The following COMMD6 variants were observed in gnomAD, a reference collection of about 807,000 sequenced individuals.
COMMD6 encodes COMM domain containing 6, also known as COMM domain-containing protein 6.
COMMD6 carries 11 observed loss-of-function variants against 13.4 expected under a neutral mutation model. That is an observed-to-expected ratio of 0.82 (90% CI 0.52 to 1.36). The LOEUF (loss-of-function observed/expected upper bound fraction) is 1.36. Among genes scored for constraint, COMMD6 ranks in the 40% most tolerant of loss-of-function variants. The pLI is 0.00. For missense variants in COMMD6, 124 were observed against 102.4 expected, an observed-to-expected ratio of 1.21 and a Z score of -0.91; for synonymous variants, 43 against 36.5, an observed-to-expected ratio of 1.18 and a Z score of -0.64.
chr13:75,546,874 T>C (rs1020131351), intron 1 of COMMD6, among the ~76,000 whole-genome samples: 1 of 152,252 alleles, frequency 6.6e-6, no homozygotes, highest in Non-Finnish European at 1.5e-5. Context: ...AACACTGAAT[T>C]AGCAAATACT....
At chr13:75,537,489 C>A (rs2030712207) in intron 2 of COMMD6, 175 bp downstream of exon 2, 3 of 1,553,776 alleles carry the variant, frequency 1.9e-6, no homozygotes, top group African/African-American at 2.7e-5. Flanking sequence ...ATTACAATGG[C>A]AACGGCTACC....
At chr13:75,537,571 TA>T in intron 2 of COMMD6, 92 bp downstream of exon 2, 2 of 1,587,102 alleles carry the variant, frequency 1.3e-6, no homozygotes, top group Non-Finnish European at 1.7e-6. Context: ...GACACAGGAC[TA>T]GGGGAGACCT....
At chr13:75,543,741 G>A (rs1385791906), upstream of COMMD6, among the ~76,000 whole-genome samples, 14 of 152,162 alleles carry the variant, frequency 9.2e-5, no homozygotes, top group Admixed American at 9.2e-4. Context: ...ATGAGATCTT[G>A]TATGTAAAGC....
At chr13:75,544,936 A>AAAAAAC (rs1555271509) in intron 1 of COMMD6, among the ~76,000 whole-genome samples, 40 of 151,270 alleles carry the variant, frequency 2.6e-4, no homozygotes, top group South Asian at 1.9e-3. Context: ...CAAAAAAAAA[A>AAAAAAC]AAAAAACAAA....
At chr13:75,540,064 G>A (rs781464767), upstream of COMMD6, among the ~76,000 whole-genome samples, 3 of 149,090 alleles carry the variant, frequency 2.0e-5, no homozygotes, top group Admixed American at 6.7e-5. Flanking sequence ...TCCAACTCCC[G>A]GGTTCAAGCG....
upstream of COMMD6, among the ~76,000 whole-genome samples, chr13:75,542,343 G>T (rs1306022709): frequency 2.0e-5 from 3 of 146,894 alleles, no homozygotes; most frequent in Non-Finnish European, 4.5e-5. Context: ...AGGCTGGAGT[G>T]CAATGGTGCG....
intron 1 of COMMD6, among the ~76,000 whole-genome samples, chr13:75,543,895 C>A (rs886418055): frequency 5.9e-5 from 9 of 152,154 alleles, no homozygotes; most frequent in African/African-American, 2.2e-4. Context: ...AACTGAAGTT[C>A]AGGAATGGTA....
upstream of COMMD6, chr13:75,537,980 G>A (rs1593960492): frequency 2.3e-5 from 12 of 523,662 alleles, no homozygotes; most frequent in East Asian, 3.9e-4. Flanking sequence ...TATCTTAGGA[G>A]ACATTGAGCT....
At chr13:75,530,421 T>A in intron 2 of COMMD6, 155 bp from the exon 3 acceptor site, 11 of 503,410 alleles carry the variant, frequency 2.2e-5, no homozygotes, top group Middle Eastern at 5.2e-4. Context: ...AGAGGAACAA[T>A]AATCAAATGA....
intron 3 of COMMD6, chr13:75,528,001 GCACACACACACACA>G (rs57959582): frequency 7.6e-5 from 22 of 287,772 alleles, no homozygotes; most frequent in African/African-American, 3.7e-4. Flanking sequence ...CATGCCCTCA[GCACACACACACACA>G]CACACACACA....
chr13:75,527,852 C>G, intron 3 of COMMD6: 1 of 1,503,210 alleles, frequency 6.7e-7, no homozygotes, highest in South Asian at 1.4e-5. Context: ...GGAGCTGAGG[C>G]TGGGGGTCAA....
upstream of COMMD6, chr13:75,537,860 C>T (rs991410134): frequency 1.0e-5 from 16 of 1,528,540 alleles, no homozygotes; most frequent in East Asian, 9.1e-5. Flanking sequence ...CAGACCAGCG[C>T]TTCCGCTTCC....
chr13:75,542,141 T>C (rs886324270), upstream of COMMD6, among the ~76,000 whole-genome samples: 3 of 152,306 alleles, frequency 2.0e-5, no homozygotes, highest in East Asian at 1.9e-4. Flanking sequence ...GCAAAAGTAT[T>C]TTTTGTGTAA....
rs2030256028 is a variant in COMMD6 at position 75,526,387 on chromosome 13, CT to C, written c.*201del. The C allele has an allele frequency of 4.1e-6, 2 of 491,092 alleles. No individual in the cohort carries two copies. Among genetic ancestry groups the C allele is most frequent in the Non-Finnish European group, 7.2e-6 (2 of 276,078 alleles). The allele number at this position is 491,092 out of a possible 1,614,324, so 30.4% of individuals were successfully genotyped here. ...TATCCTCTAAAGTGTCTAATTATCA[CT>C]TTTATAAAGCACATTCACAAAGTTT... On this transcript the variant is annotated 3_prime_UTR_variant, in exon 4 of 4. Coordinates refer to ENST00000682242, the MANE Select transcript of COMMD6 (RefSeq NM_203495.4).
chr13:75,536,246 C>T (rs535264567), intron 2 of COMMD6, among the ~76,000 whole-genome samples: 2 of 152,256 alleles, frequency 1.3e-5, no homozygotes, highest in African/African-American at 4.8e-5. Context: ...AACTAAAGAA[C>T]GTTCAACAAT....
intron 2 of COMMD6, among the ~76,000 whole-genome samples, chr13:75,536,714 G>GTAT (rs1225690018): frequency 7.2e-5 from 11 of 152,138 alleles, no homozygotes; most frequent in African/African-American, 2.4e-4. Flanking sequence ...TTTTAGCACC[G>GTAT]TAAGACTAGT....
rs141352418 is a variant in COMMD6 at position 75,544,249 on chromosome 13, C to A, written n.106+5074G>T. Among the ~76,000 whole-genome samples the A allele has an allele frequency of 3.4e-3, 516 of 152,156 alleles. 2 individuals are homozygous for A. Among genetic ancestry groups the A allele is most frequent in the African/African-American group, 0.012 (497 of 41,504 alleles). On this transcript the variant is annotated intron_variant and non_coding_transcript_variant, in intron 1 of 2. Transcript: ENST00000460675. ...GGACTTAAAATTTTTAGCCTTTAGG[C>A]CAAATTTGGCCTACTCACATGATTG...
intron 2 of COMMD6, chr13:75,537,446 C>T (rs909364297): frequency 6.4e-7 from 1 of 1,551,390 alleles, no homozygotes; most frequent in Non-Finnish European, 8.7e-7. Context: ...CTGCATTCTT[C>T]GGGCTAGTGC....
chr13:75,538,020 A>G, upstream of COMMD6: 1 of 471,970 alleles, frequency 2.1e-6, no homozygotes, highest in Non-Finnish European at 3.7e-6. Context: ...GAAAAAGGCC[A>G]AAGATTTGGG....
Sources: gnomAD v4.1 joint callset for allele counts (sites outside exome capture counted in the v4.1 genomes callset) on GRCh38, gnomAD v4.1.1 for gene constraint, MANE v1.5 for transcripts, NCBI Gene and HGNC (gene_info 2026-07-23, HGNC 2026-07-21) for gene names.